Variants in GRID2 observed in about 807,000 individuals in gnomAD.
The protein encoded by GRID2 is glutamate receptor ionotropic, delta-2.
GRID2 carries 33 observed loss-of-function variants against 114.8 expected under a neutral mutation model. The observed-to-expected ratio is 0.29, with a 90% CI of 0.22 to 0.38. The LOEUF is 0.38. Among genes scored for constraint, GRID2 ranks in the 10% least tolerant of loss-of-function variants. The pLI is 1.00. For missense variants in GRID2, 1,184 were observed against 1,257.7 expected (o/e 0.94, Z 0.89); for synonymous variants, 505 against 449.9 (o/e 1.12, Z -1.55).
chr4:93,132,392 A>G lies in GRID2; in HGVS notation c.735+21439A>G, dbSNP rs528358961. Among the ~76,000 whole-genome samples the G allele has an allele frequency of 1.1e-4, 16 of 152,320 alleles. No homozygotes were observed. In the South Asian group the frequency reaches 3.3e-3, roughly 32 times the overall value. On this transcript the variant is annotated intron_variant, in intron 4 of 15. Transcript: ENST00000282020. ...TAAGAACCTTGACACAATTGCAAAG[A>G]TCTAGGGAACTGTACCATTCTCAGG...
At chr4:93,542,301 C>G (rs1732729147) in intron 13 of GRID2, among the ~76,000 whole-genome samples, 1 of 152,056 alleles carries the variant, frequency 6.6e-6, no homozygotes, top group African/African-American at 2.4e-5. Context: ...CTGTACCCAG[C>G]CTTTGATGAC....
intron 2 of GRID2, among the ~76,000 whole-genome samples, chr4:92,731,740 T>C (rs1051792483): frequency 5.3e-5 from 8 of 151,966 alleles, no homozygotes; most frequent in African/African-American, 1.9e-4. Context: ...ACATTTGTTC[T>C]CTTGTAAAAA....
At chr4:92,965,244 G>T (rs1018437455) in intron 2 of GRID2, among the ~76,000 whole-genome samples, 3 of 151,218 alleles carry the variant, frequency 2.0e-5, no homozygotes, top group African/African-American at 7.3e-5. Context: ...ATCTTTTATG[G>T]GCATGATTTG....
intron 1 of GRID2, among the ~76,000 whole-genome samples, chr4:92,556,762 G>A (rs191189638): frequency 9.2e-5 from 14 of 152,118 alleles, no homozygotes; most frequent in Admixed American, 8.5e-4. Context: ...CCTCTCCACA[G>A]AGTAGTTTAC....
intron 2 of GRID2, among the ~76,000 whole-genome samples, chr4:92,776,176 C>G (rs1354578112): frequency 2.0e-5 from 3 of 152,006 alleles, no homozygotes; most frequent in Non-Finnish European, 4.4e-5. Flanking sequence ...ATGTTCAGTG[C>G]CATGTTTGAT....
intron 2 of GRID2, among the ~76,000 whole-genome samples, chr4:92,702,133 T>A (rs1232823959): frequency 6.6e-6 from 1 of 152,104 alleles, no homozygotes; most frequent in Non-Finnish European, 1.5e-5. Context: ...CAGGTCAGTT[T>A]CTATCTATTT....
At position 93,441,571 on chromosome 4, in the gene GRID2, A is replaced by G. The variant is rs144901437; in HGVS notation, c.1546-14091A>G. Among the ~76,000 whole-genome samples, 1,044 of 152,140 alleles carry G rather than the reference A, an allele frequency of 6.9e-3. 13 individuals carry two copies. The highest frequency in any genetic ancestry group is 0.024 in the African/African-American group (995 of 41,558). On this transcript the variant is annotated intron_variant, in intron 10 of 15. Transcript: ENST00000282020. Reference sequence around the variant, plus strand: ...AGAAATGGAAACATCCTTTAGTACAACATTAAAACCACAAATGGAACCTTT... The same window carrying G: ...AGAAATGGAAACATCCTTTAGTACAGCATTAAAACCACAAATGGAACCTTT...
intron 2 of GRID2, among the ~76,000 whole-genome samples, chr4:92,931,627 C>T (rs549601975): frequency 6.6e-6 from 1 of 150,448 alleles, no homozygotes; most frequent in African/African-American, 2.4e-5. Context: ...AGAAGATACA[C>T]ACACACACAC....
At chr4:93,468,552 A>G (rs1417424089) in intron 11 of GRID2, among the ~76,000 whole-genome samples, 2 of 152,122 alleles carry the variant, frequency 1.3e-5, no homozygotes, top group Non-Finnish European at 2.9e-5. Context: ...TATACTTTAT[A>G]GATAGATATC....
exon 2 of GRID2, chr4:93,809,911 C>G (rs542455021): frequency 2.0e-5 from 3 of 152,224 alleles, no homozygotes; most frequent in African/African-American, 7.2e-5. Context: ...TCAGAGTACC[C>G]GCCACCCAAG....
At chr4:92,996,723 T>C (rs922122919) in intron 2 of GRID2, among the ~76,000 whole-genome samples, 1 of 152,182 alleles carries the variant, frequency 6.6e-6, no homozygotes, top group African/African-American at 2.4e-5. Flanking sequence ...TCTGAAATGA[T>C]AGTGTACTTA....
intron 2 of GRID2, among the ~76,000 whole-genome samples, chr4:92,631,241 G>A (rs1730796865): frequency 6.6e-6 from 1 of 152,014 alleles, no homozygotes; most frequent in African/African-American, 2.4e-5. Flanking sequence ...CCAGAAGGAA[G>A]GGTAGAAAGT....
At chr4:92,608,121 G>A (rs79467382) in intron 2 of GRID2, among the ~76,000 whole-genome samples, 1,624 of 151,824 alleles carry the variant, frequency 0.011, 12 homozygotes, top group Non-Finnish European at 0.017. Flanking sequence ...ATGGGAGGTA[G>A]GGGCTGGAAG....
chr4:92,822,138 C>A, intron 2 of GRID2: 1 of 342,638 alleles, frequency 2.9e-6, no homozygotes, highest in Non-Finnish European at 5.7e-6. Context: ...GGTGGTCTTG[C>A]CTTCTAAGTC....
intron 13 of GRID2, among the ~76,000 whole-genome samples, chr4:93,615,864 G>GT (rs889944202): frequency 1.3e-5 from 2 of 151,368 alleles, no homozygotes; most frequent in Non-Finnish European, 2.9e-5. Flanking sequence ...TACTCCTATG[G>GT]TTTTTTTCAA....
chr4:93,771,310 A>G (rs748491878), intron 15 of GRID2, among the ~76,000 whole-genome samples: 4 of 152,196 alleles, frequency 2.6e-5, no homozygotes, highest in Admixed American at 6.5e-5. Flanking sequence ...CCTTCTTACC[A>G]AGACGCCATT....
rs543697430 is a variant in GRID2 at position 92,715,014 on chromosome 4, A to G, written c.244+124728A>G. On this transcript the variant is annotated intron_variant, in intron 2 of 15. Coordinates refer to ENST00000282020, the MANE Select transcript of GRID2 (RefSeq NM_001510.4). ...CTCAGAAAATGGGATTTTCTTTTCTATCATATTGTCAGGTTGCGAATTTTC... is the reference window on the plus strand; with the variant it reads ...CTCAGAAAATGGGATTTTCTTTTCTGTCATATTGTCAGGTTGCGAATTTTC... Among the ~76,000 whole-genome samples the G allele has an allele frequency of 7.9e-5, 12 of 152,084 alleles. No individual in the cohort carries two copies. In the South Asian group the frequency reaches 1.2e-3, roughly 16 times the overall value.
intron 1 of GRID2, among the ~76,000 whole-genome samples, chr4:92,319,290 T>A (rs1369089849): frequency 6.6e-6 from 1 of 152,224 alleles, no homozygotes; most frequent in Non-Finnish European, 1.5e-5. Context: ...ATATTATGTG[T>A]CATTCACTCC....
At chr4:92,516,926 TATAATC>T (rs1257269495) in intron 1 of GRID2, among the ~76,000 whole-genome samples, 4 of 151,944 alleles carry the variant, frequency 2.6e-5, no homozygotes, top group African/African-American at 9.7e-5. Context: ...TTTATAAAAA[TATAATC>T]ATAGCTCTGT....
Sources: gnomAD v4.1 joint callset for allele counts (sites outside exome capture counted in the v4.1 genomes callset) on GRCh38, gnomAD v4.1.1 for gene constraint, MANE v1.5 for transcripts, NCBI Gene and HGNC (gene_info 2026-07-23, HGNC 2026-07-21) for gene names.